The following SMAD2 variants were observed in gnomAD, a reference collection of about 807,000 sequenced individuals.
The protein encoded by SMAD2 is SMAD family member 2.
A neutral mutation model predicts 64.4 loss-of-function variants in SMAD2; 8 were observed. The observed-to-expected ratio is 0.12, with a 90% confidence interval of 0.07 to 0.22. The LOEUF (loss-of-function observed/expected upper bound fraction) is 0.22. Among genes scored for constraint, SMAD2 ranks in the 10% least tolerant of loss-of-function variants. SMAD2 has a pLI of 1.00. For missense variants in SMAD2, 289 were observed against 561.2 expected (o/e 0.51, Z 4.90); for synonymous variants, 203 against 195.8 (o/e 1.04, Z -0.31).
At chr18:47,865,232 A>G in intron 5 of SMAD2, 99 bp from the exon 6 acceptor site, 1 of 703,428 alleles carries the variant, frequency 1.4e-6, no homozygotes, top group Non-Finnish European at 2.6e-6. Flanking sequence ...CCAAATAACA[A>G]ATAATAATGT....
At position 47,841,728 on chromosome 18, in the gene SMAD2, G is replaced by A. The variant is rs1400263316; in HGVS notation, c.*99C>T. The stretch of plus-strand genomic sequence containing the variant: ...GACCTCAAGTGCTGTTTTCTCTCTT[G>A]AACTTTTGGATAGTAAACAGTCCAT... On this transcript the variant is annotated 3_prime_UTR_variant, in exon 11 of 11. Coordinates refer to ENST00000262160, the MANE Select transcript of SMAD2 (RefSeq NM_005901.6). The A allele has an allele frequency of 4.2e-6, 6 of 1,412,220 alleles. No individual in the cohort carries two copies. The highest frequency in any genetic ancestry group is 1.8e-4 in the Middle Eastern group (1 of 5,648). 87.5% of individuals were successfully genotyped at this position (1,412,220 alleles called of 1,614,324 possible). A position where few individuals can be genotyped will look rare whatever the true frequency, so the allele number is the denominator to read the frequency against.
intron 1 of SMAD2, among the ~76,000 whole-genome samples, chr18:47,917,534 C>CTT (rs1296418919): frequency 6.6e-6 from 1 of 151,940 alleles, no homozygotes; most frequent in Non-Finnish European, 1.5e-5. Context: ...TTTTTCTTTT[C>CTT]TTTTTTCTTC....
rs556044045 is a variant in SMAD2 at position 47,819,068 on chromosome 18, G to A, written c.*22759C>T. On this transcript the variant is annotated 3_prime_UTR_variant, in exon 11 of 11. Coordinates refer to ENST00000262160, the MANE Select transcript of SMAD2 (RefSeq NM_005901.6). ...GGCAGTTGGCCACAAATCCCTTAAG[G>A]AATTCTATTCATCAAATAAATGAGT... 1 of 152,238 alleles carries A rather than the reference G, an allele frequency of 6.6e-6. No individual in the cohort carries two copies. The highest frequency in any genetic ancestry group is 1.5e-5 in the Non-Finnish European group (1 of 68,010). The allele number at this position is 152,238 out of a possible 1,614,324, so 9.4% of individuals were successfully genotyped here.
intron 2 of SMAD2, among the ~76,000 whole-genome samples, chr18:47,881,026 G>A (rs1415742370): frequency 1.3e-5 from 2 of 152,124 alleles, no homozygotes; most frequent in Non-Finnish European, 2.9e-5. Flanking sequence ...AGAAAGACTT[G>A]GTTTTGTGTT....
chr18:47,926,522 C>T (rs181843929), intron 1 of SMAD2, among the ~76,000 whole-genome samples: 1 of 152,222 alleles, frequency 6.6e-6, no homozygotes, highest in African/African-American at 2.4e-5. Flanking sequence ...CCCCACCACA[C>T]CCCCTCTAAG....
intron 6 of SMAD2, among the ~76,000 whole-genome samples, chr18:47,864,482 T>C (rs1370283962): frequency 6.6e-6 from 1 of 152,190 alleles, no homozygotes; most frequent in Non-Finnish European, 1.5e-5. Flanking sequence ...ACAATTACAA[T>C]GACATCAAAG....
At chr18:47,910,034 T>C (rs2034063141) in intron 1 of SMAD2, among the ~76,000 whole-genome samples, 1 of 152,160 alleles carries the variant, frequency 6.6e-6, no homozygotes, top group South Asian at 2.1e-4. Context: ...ATGCCATTGC[T>C]GTTATAGAAA....
rs1324407474 is a variant in SMAD2, at chr18:47,879,465, T to C, written c.237-8901A>G. On this transcript the variant is annotated intron_variant, in intron 2 of 10. Coordinates refer to ENST00000262160, the MANE Select transcript of SMAD2 (RefSeq NM_005901.6). The stretch of plus-strand genomic sequence containing the variant: ...TGGGTCTTTTTTGACTCAGCATGAT[T>C]TTGAGATTCATCCATGTTAATGTAT... 3.9e-4 allele frequency among the ~76,000 whole-genome samples: 58 copies of C among 150,010 alleles called. 1 individual carries two copies. In the Admixed American group the frequency reaches 3.9e-3, roughly 10 times the overall value.
rs539852415 is a variant in SMAD2 at position 47,818,326 on chromosome 18, C to T, written c.*23501G>A. 1.3e-5 allele frequency: 2 copies of T among 152,220 alleles called. No individual in the cohort carries two copies. Among genetic ancestry groups the T allele is most frequent in the African/African-American group, 2.4e-5 (1 of 41,540 alleles). The allele number at this position is 152,220 out of a possible 1,614,324, so 9.4% of individuals were successfully genotyped here. On this transcript the variant is annotated 3_prime_UTR_variant, in exon 11 of 11. Coordinates refer to ENST00000262160, the MANE Select transcript of SMAD2 (RefSeq NM_005901.6). ...CAACACCTAGAATTAAGAAGTATCC[C>T]TTTTAATGTAAATTTAGGTTTGCCT...
chr18:47,885,474 T>C (rs1285074133), intron 2 of SMAD2, among the ~76,000 whole-genome samples: 1 of 152,086 alleles, frequency 6.6e-6, no homozygotes, highest in Non-Finnish European at 1.5e-5. Context: ...GGCCAATATA[T>C]ACTGTTTTTA....
chr18:47,851,061 T>G (rs1446957091), intron 7 of SMAD2, among the ~76,000 whole-genome samples: 2 of 150,422 alleles, frequency 1.3e-5, no homozygotes, highest in Non-Finnish European at 3.0e-5. Flanking sequence ...TATACCTATT[T>G]CTTATATGTG....
At chr18:47,848,804 AG>A (rs1363228034) in intron 7 of SMAD2, 117 bp from the exon 8 acceptor site, 2 of 726,652 alleles carry the variant, frequency 2.8e-6, no homozygotes, top group African/African-American at 1.8e-5. Context: ...CACTGGCAAA[AG>A]CTCAGGAAGT....
chr18:47,873,155 T>G (rs1437561545), intron 2 of SMAD2, among the ~76,000 whole-genome samples: 2 of 152,152 alleles, frequency 1.3e-5, no homozygotes, highest in Non-Finnish European at 2.9e-5. Flanking sequence ...ATGCCATTTT[T>G]TATCAGAACT....
rs1412187688 is a variant in SMAD2, at chr18:47,850,387, TAATA to T, written c.784+883_784+886del. On this transcript the variant is annotated intron_variant, in intron 7 of 10. Transcript: ENST00000262160. ...TATAATATATATTATATATATTATATAATATATATTATATATTATGTATAATATA... is the reference window on the plus strand; with the variant it reads ...TATAATATATATTATATATATTATATTATATTATATATTATGTATAATATA... Among the ~76,000 whole-genome samples, 5 of 21,956 alleles carry T rather than the reference TAATA, an allele frequency of 2.3e-4. 1 individual carries two copies. Among genetic ancestry groups the T allele is most frequent in the Non-Finnish European group, 3.1e-4 (5 of 15,944 alleles). The allele number at this position is 21,956 out of a possible 152,430, so 14.4% of individuals were successfully genotyped here.
At chr18:47,925,528 C>T (rs1193816945) in intron 1 of SMAD2, among the ~76,000 whole-genome samples, 2 of 151,762 alleles carry the variant, frequency 1.3e-5, no homozygotes, top group South Asian at 2.1e-4. Context: ...ATTCTCCCTA[C>T]ATGAAATTGC....
At chr18:47,849,638 G>A (rs546283518) in intron 7 of SMAD2, among the ~76,000 whole-genome samples, 1 of 152,068 alleles carries the variant, frequency 6.6e-6, no homozygotes, top group East Asian at 1.9e-4. Context: ...ACGTCATCCT[G>A]TATACTTTAA....
chr18:47,878,340 A>G (rs916283067), intron 2 of SMAD2: 6 of 152,218 alleles, frequency 3.9e-5, no homozygotes, highest in Admixed American at 3.3e-4. Flanking sequence ...TGCTCATGTA[A>G]TAAGTACAAT....
chr18:47,892,353 C>G (rs2033236906), intron 2 of SMAD2, among the ~76,000 whole-genome samples: 1 of 152,126 alleles, frequency 6.6e-6, no homozygotes, highest in Admixed American at 6.5e-5. Context: ...GCACATGCCA[C>G]CACACCCAGC....
chr18:47,871,208 T>C (rs546714580), intron 2 of SMAD2, among the ~76,000 whole-genome samples: 89 of 152,278 alleles, frequency 5.8e-4, no homozygotes, highest in African/African-American at 1.9e-3. Context: ...TTTCATTTCA[T>C]AGTAACTTCT....
Sources: gnomAD v4.1 joint callset for allele counts (sites outside exome capture counted in the v4.1 genomes callset) on GRCh38, gnomAD v4.1.1 for gene constraint, MANE v1.5 for transcripts, NCBI Gene and HGNC (gene_info 2026-07-23, HGNC 2026-07-21) for gene names.